Variants in CSMD1 observed in about 807,000 individuals in gnomAD.
CSMD1 encodes the protein CUB and sushi domain-containing protein 1.
A neutral mutation model predicts 417.5 loss-of-function variants in CSMD1; 213 were observed. The observed-to-expected ratio is 0.51, with a 90% confidence interval of 0.46 to 0.57. CSMD1 has a LOEUF of 0.57. Ranked by LOEUF, CSMD1 falls within the 20% of genes least tolerant of loss-of-function variation. The probability of loss-of-function intolerance (pLI) is 0.00; values close to 1 mark genes in which losing one functional copy is unlikely to be tolerated. For synonymous variants in CSMD1, 2,862 were observed against 1,736.8 expected (o/e 1.65, Z -16.11); for missense variants, 6,923 against 4,529.7 (o/e 1.53, Z -15.17).
chr8:4,174,273 G>C (rs376089738), intron 3 of CSMD1, among the ~76,000 whole-genome samples: 13 of 152,154 alleles, frequency 8.5e-5, no homozygotes, highest in African/African-American at 2.7e-4. Flanking sequence ...AGCAAGAATA[G>C]AGGCTAAGTA....
intron 1 of CSMD1, among the ~76,000 whole-genome samples, chr8:4,773,600 G>A (rs563205658): frequency 4.6e-5 from 7 of 152,128 alleles, no homozygotes; most frequent in Admixed American, 6.5e-5. Flanking sequence ...AGGATACCAA[G>A]GATTCCTCAG....
Position 3,107,728 on chromosome 8 carries a change from A to C in CSMD1, c.6825T>G (p.Asp2275Glu). 6.3e-7 allele frequency: 1 copy of C among 1,585,798 alleles called. No homozygotes were observed. The highest frequency in any genetic ancestry group is 8.6e-7 in the Non-Finnish European group (1 of 1,165,638). The change falls in exon 45 of 70, where the codon GAT becomes GAG. Residue 2275 changes from aspartate (D) to glutamate (E), a missense_variant. Coordinates refer to ENST00000635120, the MANE Select transcript of CSMD1 (RefSeq NM_033225.6). ...TGAAGAAAGTATTACCTATTTCGAAATCATCATCCTCAGTAAGCATTTCTG... is the reference window on the plus strand; with the variant it reads ...TGAAGAAAGTATTACCTATTTCGAACTCATCATCCTCAGTAAGCATTTCTG... ...PQAEMLTEDD[D>E]FEIGDFVKYQ...
intron 2 of CSMD1, among the ~76,000 whole-genome samples, chr8:4,532,594 G>T (rs542749318): frequency 5.9e-5 from 8 of 135,594 alleles, no homozygotes; most frequent in Non-Finnish European, 1.1e-4. Context: ...AGTCACTCTG[G>T]AAGAGAAATC....
chr8:3,218,681 G>A (rs1433509215), intron 29 of CSMD1, among the ~76,000 whole-genome samples: 1 of 151,940 alleles, frequency 6.6e-6, no homozygotes, highest in East Asian at 1.9e-4. Flanking sequence ...AGACCAGCCT[G>A]ACCAATATGA....
chr8:3,495,430 A>G (rs1796325529), intron 10 of CSMD1, among the ~76,000 whole-genome samples: 1 of 152,164 alleles, frequency 6.6e-6, no homozygotes, highest in African/African-American at 2.4e-5. Flanking sequence ...CACTATATGA[A>G]TGGGCTCTCA....
chr8:4,623,313 C>G (rs143807425), intron 2 of CSMD1, among the ~76,000 whole-genome samples: 1 of 152,040 alleles, frequency 6.6e-6, no homozygotes, highest in East Asian at 1.9e-4. Flanking sequence ...ATTACAATGA[C>G]GAAAACTAAA....
rs145690802 is a variant in CSMD1 at position 3,398,856 on chromosome 8, T to C, written c.2405+535A>G. 1.4e-4 allele frequency among the ~76,000 whole-genome samples: 21 copies of C among 152,308 alleles called. No homozygotes were observed. The East Asian group carries it at 3.7e-3, about 27-fold the overall frequency. On this transcript the variant is annotated intron_variant, in intron 16 of 69. Transcript: ENST00000635120. Reference sequence around the variant, plus strand: ...CCCAGCATGCTTATTTTTTAGATCATGAAATGCATTATTAAATAGCTAAGC... The same window carrying C: ...CCCAGCATGCTTATTTTTTAGATCACGAAATGCATTATTAAATAGCTAAGC...
chr8:3,744,755 G>C (rs1288547717), intron 6 of CSMD1, among the ~76,000 whole-genome samples: 2 of 152,196 alleles, frequency 1.3e-5, no homozygotes, highest in African/African-American at 2.4e-5. Flanking sequence ...GGGTAATGTA[G>C]GTACTCTCAA....
chr8:4,457,951 G>T lies in CSMD1; in HGVS notation c.303-37886C>A, dbSNP rs1029529514. ...GAGTCTATGTATGTCAACCCAGGCA[G>T]AAAAACCCAGATGTACTTCTTTGGT... On this transcript the variant is annotated intron_variant, in intron 2 of 69. Coordinates refer to ENST00000635120, the MANE Select transcript of CSMD1 (RefSeq NM_033225.6). Among the ~76,000 whole-genome samples, 13 of 152,252 alleles carry T rather than the reference G, an allele frequency of 8.5e-5. 1 individual carries two copies. Among genetic ancestry groups the T allele is most frequent in the Admixed American group, 7.2e-4 (11 of 15,296 alleles).
chr8:3,998,220 A>C, intron 4 of CSMD1, 110 bp from the exon 5 acceptor site: 6 of 852,844 alleles, frequency 7.0e-6, no homozygotes, highest in Non-Finnish European at 1.1e-5. Flanking sequence ...TCTGAACCCA[A>C]AATTGAGACA....
At chr8:4,254,986 A>C (rs974778940) in intron 3 of CSMD1, among the ~76,000 whole-genome samples, 5 of 152,174 alleles carry the variant, frequency 3.3e-5, no homozygotes, top group Admixed American at 1.3e-4. Flanking sequence ...CAGAGCACTA[A>C]ATCCAGAAGA....
chr8:3,674,712 A>G (rs1026571619), intron 7 of CSMD1, among the ~76,000 whole-genome samples: 1 of 152,194 alleles, frequency 6.6e-6, no homozygotes, highest in African/African-American at 2.4e-5. Flanking sequence ...TGAGAGCCCC[A>G]GTCTTGCTGA....
chr8:3,439,437 T>C (rs1012055237), intron 12 of CSMD1, among the ~76,000 whole-genome samples: 8 of 151,116 alleles, frequency 5.3e-5, no homozygotes, highest in Admixed American at 4.6e-4. Context: ...ATGGTACATG[T>C]TCTTTGGTGA....
intron 5 of CSMD1, among the ~76,000 whole-genome samples, chr8:3,870,495 A>G (rs970416686): frequency 1.3e-5 from 2 of 152,090 alleles, no homozygotes; most frequent in African/African-American, 4.8e-5. Context: ...TGAGGGATTA[A>G]TGTCTAAGAA....
intron 1 of CSMD1, among the ~76,000 whole-genome samples, chr8:4,826,612 G>C (rs1038457308): frequency 6.6e-5 from 10 of 152,146 alleles, no homozygotes; most frequent in African/African-American, 2.4e-4. Flanking sequence ...GAGCAAAAAG[G>C]AGATAACTTG....
chr8:3,392,608 G>A (rs1279626633), intron 17 of CSMD1, among the ~76,000 whole-genome samples: 7 of 151,900 alleles, frequency 4.6e-5, no homozygotes, highest in Admixed American at 6.6e-5. Context: ...CGGGATCTGC[G>A]TCTGCCTTCA....
chr8:3,777,131 C>T (rs1465815821), intron 5 of CSMD1, among the ~76,000 whole-genome samples: 1 of 140,868 alleles, frequency 7.1e-6, no homozygotes, highest in Non-Finnish European at 1.5e-5. Flanking sequence ...TACACACACA[C>T]ACACACACAC....
intron 12 of CSMD1, among the ~76,000 whole-genome samples, chr8:3,422,168 T>G (rs2116980599): frequency 6.6e-6 from 1 of 152,274 alleles, no homozygotes; most frequent in South Asian, 2.1e-4. Context: ...CCTTTGAAAC[T>G]TAGTTTCACT....
chr8:4,807,185 C>T (rs775243890), intron 1 of CSMD1, among the ~76,000 whole-genome samples: 1 of 151,966 alleles, frequency 6.6e-6, no homozygotes, highest in African/African-American at 2.4e-5. Context: ...ATTATTGTAC[C>T]CAACTTTTCA....
Sources: gnomAD v4.1 joint callset for allele counts (sites outside exome capture counted in the v4.1 genomes callset) on GRCh38, gnomAD v4.1.1 for gene constraint, MANE v1.5 for transcripts, NCBI Gene and HGNC (gene_info 2026-07-23, HGNC 2026-07-21) for gene names.